CTNNA2: variants seen among roughly 807,000 people sequenced by gnomAD.
The protein encoded by CTNNA2 is catenin alpha 2.
Under a neutral mutation model 101.0 loss-of-function variants are expected in CTNNA2, and 42 were observed. That is an observed-to-expected ratio of 0.42 (90% confidence interval 0.32 to 0.54). The LOEUF is 0.54. CTNNA2 is among the 20% of genes least tolerant of loss of function. The pLI is 0.14. For synonymous variants in CTNNA2, 450 were observed against 456.4 expected (o/e 0.99, Z 0.18); for missense variants, 871 against 1,223.1 (o/e 0.71, Z 4.29).
intron 3 of CTNNA2, among the ~76,000 whole-genome samples, chr2:79,371,758 G>A (rs1677876449): frequency 6.6e-6 from 1 of 152,126 alleles, no homozygotes; most frequent in Admixed American, 6.5e-5. Flanking sequence ...CCTGGGCAAA[G>A]TAGGTCAACT....
At chr2:80,404,434 G>A (rs1251404254) in intron 8 of CTNNA2, among the ~76,000 whole-genome samples, 1 of 152,086 alleles carries the variant, frequency 6.6e-6, no homozygotes, top group African/African-American at 2.4e-5. Flanking sequence ...CCAGTGAGGG[G>A]GGAAATATCA....
intron 7 of CTNNA2, among the ~76,000 whole-genome samples, chr2:80,007,726 T>C (rs1041572275): frequency 1.3e-5 from 2 of 152,202 alleles, no homozygotes; most frequent in African/African-American, 4.8e-5. Flanking sequence ...GGGAATCCTT[T>C]TATTCTATAG....
intron 7 of CTNNA2, among the ~76,000 whole-genome samples, chr2:79,975,410 C>G (rs943123283): frequency 6.6e-6 from 1 of 152,134 alleles, no homozygotes; most frequent in Non-Finnish European, 1.5e-5. Flanking sequence ...TCCCCCCACA[C>G]ACTAAGAGAT....
intron 7 of CTNNA2, among the ~76,000 whole-genome samples, chr2:79,958,188 G>A (rs892454): frequency 0.62 from 94,811 of 151,944 alleles, 31,033 homozygotes; most frequent in East Asian, 0.85. Flanking sequence ...TTGTCTATCA[G>A]CCTCTTCTCT....
chr2:80,536,524 G>GT, intron 9 of CTNNA2, among the ~76,000 whole-genome samples: 1 of 152,242 alleles, frequency 6.6e-6, no homozygotes, highest in Admixed American at 6.5e-5. Flanking sequence ...ATGATTCAGT[G>GT]TTTGGGAGTT....
chr2:79,880,753 T>G (rs973358812), intron 6 of CTNNA2, among the ~76,000 whole-genome samples: 3 of 152,046 alleles, frequency 2.0e-5, no homozygotes, highest in Admixed American at 1.3e-4. Context: ...TTATGTTATT[T>G]TTTTCAAAAA....
At chr2:80,031,597 C>T (rs1695292985) in intron 7 of CTNNA2, among the ~76,000 whole-genome samples, 1 of 152,138 alleles carries the variant, frequency 6.6e-6, no homozygotes, top group African/African-American at 2.4e-5. Context: ...TGTGGAAATT[C>T]AAGATGAGAT....
intron 3 of CTNNA2, among the ~76,000 whole-genome samples, chr2:79,781,489 A>C (rs1365176709): frequency 6.6e-6 from 1 of 152,190 alleles, no homozygotes; most frequent in Non-Finnish European, 1.5e-5. Flanking sequence ...CTCTCGTTCA[A>C]ATGCCTATGA....
At chr2:79,616,414 G>A (rs1184677843) in intron 1 of CTNNA2, among the ~76,000 whole-genome samples, 4 of 152,144 alleles carry the variant, frequency 2.6e-5, no homozygotes, top group Non-Finnish European at 5.9e-5. Context: ...ACTATTTACG[G>A]TAGAGAAATT....
At chr2:80,117,250 C>T (rs1701575855) in intron 7 of CTNNA2, among the ~76,000 whole-genome samples, 1 of 152,060 alleles carries the variant, frequency 6.6e-6, no homozygotes, top group African/African-American at 2.4e-5. Flanking sequence ...ATGCATATAA[C>T]ACTCAGACTG....
At chr2:79,285,234 T>G (rs1364855541) in intron 2 of CTNNA2, among the ~76,000 whole-genome samples, 1 of 150,392 alleles carries the variant, frequency 6.6e-6, no homozygotes, top group African/African-American at 2.4e-5. Flanking sequence ...TTTGAAGGGT[T>G]TTTTGTGTCT....
At chr2:79,914,494 T>G (rs1044640127) in intron 7 of CTNNA2, among the ~76,000 whole-genome samples, 1 of 152,222 alleles carries the variant, frequency 6.6e-6, no homozygotes, top group African/African-American at 2.4e-5. Flanking sequence ...GATGAGAATA[T>G]GCAATGAGCA....
chr2:80,279,563 C>T (rs1674202512), intron 7 of CTNNA2, among the ~76,000 whole-genome samples: 1 of 152,030 alleles, frequency 6.6e-6, no homozygotes, highest in South Asian at 2.1e-4. Context: ...GCTTTTAAAG[C>T]TTACTCATTT....
chr2:80,457,462 GA>G (rs1684080105), intron 9 of CTNNA2, among the ~76,000 whole-genome samples: 1 of 151,940 alleles, frequency 6.6e-6, no homozygotes, highest in Non-Finnish European at 1.5e-5. Context: ...AAAAAAGAAA[GA>G]AAAATGTTCA....
At chr2:79,880,259 G>T (rs1317459038) in intron 6 of CTNNA2, among the ~76,000 whole-genome samples, 3 of 152,130 alleles carry the variant, frequency 2.0e-5, no homozygotes, top group Non-Finnish European at 4.4e-5. Context: ...GTTCCTTATG[G>T]ATATTGGCAT....
chr2:80,142,031 T>G (rs1312660532), intron 7 of CTNNA2, among the ~76,000 whole-genome samples: 1 of 152,050 alleles, frequency 6.6e-6, no homozygotes, highest in East Asian at 1.9e-4. Flanking sequence ...CTGAATTTCT[T>G]CCTGAGGGGC....
At chr2:79,728,505 T>C (rs1199286349) in intron 2 of CTNNA2, among the ~76,000 whole-genome samples, 1 of 152,208 alleles carries the variant, frequency 6.6e-6, no homozygotes, top group Non-Finnish European at 1.5e-5. Flanking sequence ...ATTGCGAAAA[T>C]TGTCTCCCAT....
intron 9 of CTNNA2, among the ~76,000 whole-genome samples, chr2:80,525,059 T>C (rs1164492122): frequency 2.0e-5 from 3 of 152,116 alleles, no homozygotes; most frequent in Admixed American, 2.0e-4. Flanking sequence ...ACTTTTTTTT[T>C]TGTATGACTT....
intron 3 of CTNNA2, among the ~76,000 whole-genome samples, chr2:79,361,220 A>G (rs565482239): frequency 2.0e-5 from 3 of 152,160 alleles, no homozygotes; most frequent in African/African-American, 7.2e-5. Context: ...TTGTTGTTTT[A>G]TTGGCTGTTT....
Sources: allele counts gnomAD v4.1 joint callset (sites outside exome capture counted in the v4.1 genomes callset), GRCh38; gene constraint gnomAD v4.1.1; transcripts MANE v1.5; gene names NCBI Gene and HGNC (gene_info 2026-07-23, HGNC 2026-07-21).